CNTN4: variants seen among roughly 807,000 people sequenced by gnomAD.
CNTN4 encodes contactin 4.
A neutral mutation model predicts 122.5 loss-of-function variants in CNTN4; 77 were observed. The ratio of observed to expected loss-of-function variants is 0.63; its 90% CI spans 0.52 to 0.76. The LOEUF (loss-of-function observed/expected upper bound fraction) is 0.76, where lower values mean the gene tolerates loss of function less well. CNTN4 is among the 30% of genes least tolerant of loss of function. The pLI is 0.00. For synonymous variants in CNTN4, 512 were observed against 447.0 expected (o/e 1.15, Z -1.83); for missense variants, 1,256 against 1,259.1 (o/e 1.00, Z 0.04).
intron 2 of CNTN4, among the ~76,000 whole-genome samples, chr3:2,281,212 A>G (rs1054846212): frequency 3.9e-5 from 6 of 152,106 alleles, no homozygotes; most frequent in African/African-American, 1.4e-4. Context: ...CTTAACATGG[A>G]CAGCATTGTT....
At chr3:2,526,687 A>G (rs1412125657) in intron 3 of CNTN4, among the ~76,000 whole-genome samples, 1 of 152,134 alleles carries the variant, frequency 6.6e-6, no homozygotes, top group African/African-American at 2.4e-5. Context: ...TTTCTCTTAT[A>G]TTCATGAAAT....
intron 14 of CNTN4, among the ~76,000 whole-genome samples, chr3:3,012,871 G>A (rs571345455): frequency 6.6e-5 from 10 of 152,110 alleles, no homozygotes; most frequent in Middle Eastern, 6.8e-3. Flanking sequence ...AGGAAGCTGA[G>A]GCGAGAGAAT....
intron 2 of CNTN4, among the ~76,000 whole-genome samples, chr3:2,282,251 G>A (rs1286658525): frequency 1.3e-5 from 2 of 152,102 alleles, no homozygotes; most frequent in Non-Finnish European, 2.9e-5. Flanking sequence ...TACTGAAAAT[G>A]TATCAGTGAT....
intron 3 of CNTN4, among the ~76,000 whole-genome samples, chr3:2,556,314 G>T (rs1280987832): frequency 6.6e-6 from 1 of 152,086 alleles, no homozygotes; most frequent in Non-Finnish European, 1.5e-5. Flanking sequence ...AGAACTGGTC[G>T]GCATATGAAT....
At chr3:2,557,723 C>T (rs1193788896) in intron 3 of CNTN4, among the ~76,000 whole-genome samples, 1 of 150,162 alleles carries the variant, frequency 6.7e-6, no homozygotes, top group Non-Finnish European at 1.5e-5. Context: ...TGCACTCCAG[C>T]CTGGGCAACA....
chr3:2,436,432 T>G (rs947504313), intron 3 of CNTN4, among the ~76,000 whole-genome samples: 8 of 152,120 alleles, frequency 5.3e-5, no homozygotes, highest in Non-Finnish European at 1.0e-4. Context: ...GGTATGACCT[T>G]CCTAATCAGA....
intron 3 of CNTN4, among the ~76,000 whole-genome samples, chr3:2,517,142 C>G (rs2077062305): frequency 6.6e-6 from 1 of 152,006 alleles, no homozygotes; most frequent in Non-Finnish European, 1.5e-5. Flanking sequence ...TGAAGAGATA[C>G]AGAGAAAAAG....
At chr3:2,983,474 G>A (rs1694250400) in intron 13 of CNTN4, among the ~76,000 whole-genome samples, 1 of 152,056 alleles carries the variant, frequency 6.6e-6, no homozygotes, top group African/African-American at 2.4e-5. Flanking sequence ...GGAAGGCACA[G>A]AGCTTCACTT....
intron 3 of CNTN4, among the ~76,000 whole-genome samples, chr3:2,509,895 G>C (rs969966531): frequency 6.6e-6 from 1 of 152,116 alleles, no homozygotes; most frequent in Non-Finnish European, 1.5e-5. Context: ...CAAAATCCCA[G>C]AGCTCTTCTG....
At chr3:2,328,333 G>C (rs1301045135) in intron 2 of CNTN4, among the ~76,000 whole-genome samples, 1 of 150,510 alleles carries the variant, frequency 6.6e-6, no homozygotes, top group Admixed American at 6.6e-5. Flanking sequence ...GGGAACCCGG[G>C]AGGCGGAGCT....
intron 13 of CNTN4, among the ~76,000 whole-genome samples, chr3:2,941,112 A>C (rs73001314): frequency 0.051 from 7,793 of 152,268 alleles, 271 homozygotes; most frequent in East Asian, 0.19. Context: ...AAAACAATGC[A>C]ATTTAAAATT....
At chr3:2,258,313 G>A (rs1485295329) in intron 2 of CNTN4, among the ~76,000 whole-genome samples, 6 of 152,070 alleles carry the variant, frequency 3.9e-5, no homozygotes, top group African/African-American at 1.2e-4. Flanking sequence ...TTGCAGCACT[G>A]TTTGCAATAG....
intron 2 of CNTN4, among the ~76,000 whole-genome samples, chr3:2,260,271 C>T (rs2040775438): frequency 6.6e-6 from 1 of 152,052 alleles, no homozygotes; most frequent in African/African-American, 2.4e-5. Flanking sequence ...ATAGGAAGTT[C>T]AGCAGCTACC....
chr3:2,548,646 T>G (rs2078348062), intron 3 of CNTN4, among the ~76,000 whole-genome samples: 1 of 152,172 alleles, frequency 6.6e-6, no homozygotes, highest in South Asian at 2.1e-4. Context: ...TAGGATTGTC[T>G]TGGTTATATG....
chr3:2,856,452 G>C (rs1380241595), intron 7 of CNTN4, among the ~76,000 whole-genome samples: 3 of 152,214 alleles, frequency 2.0e-5, no homozygotes, highest in Admixed American at 6.5e-5. Flanking sequence ...AGCCTTGTCA[G>C]AGGGACTGAA....
chr3:2,254,381 T>C (rs2040496192), intron 2 of CNTN4, among the ~76,000 whole-genome samples: 1 of 152,314 alleles, frequency 6.6e-6, no homozygotes, highest in Admixed American at 6.5e-5. Flanking sequence ...AGTAGAATAA[T>C]GTATAATCCT....
intron 3 of CNTN4, among the ~76,000 whole-genome samples, chr3:2,359,851 G>A (rs1187229081): frequency 6.6e-6 from 1 of 152,150 alleles, no homozygotes; most frequent in Non-Finnish European, 1.5e-5. Context: ...ATATATGATT[G>A]TTTATTCACT....
chr3:2,780,982 C>G (rs1386880462), intron 6 of CNTN4, among the ~76,000 whole-genome samples: 1 of 152,046 alleles, frequency 6.6e-6, no homozygotes, highest in African/African-American at 2.4e-5. Context: ...TGAGACTGTT[C>G]TGGGAACTCT....
intron 3 of CNTN4, among the ~76,000 whole-genome samples, chr3:2,391,066 G>C (rs2046424066): frequency 6.6e-6 from 1 of 152,216 alleles, no homozygotes; most frequent in Admixed American, 6.5e-5. Flanking sequence ...TGGGGAACCA[G>C]ATTTAGTTTG....
Sources: gnomAD v4.1 joint callset for allele counts (sites outside exome capture counted in the v4.1 genomes callset) on GRCh38, gnomAD v4.1.1 for gene constraint, MANE v1.5 for transcripts, NCBI Gene and HGNC (gene_info 2026-07-23, HGNC 2026-07-21) for gene names.